Variants in C4A observed in about 807,000 individuals in gnomAD.
C4A encodes complement C4-A.
C4A carries 12 observed loss-of-function variants against 45.7 expected under a neutral mutation model. The observed-to-expected ratio is 0.26, with a 90% CI of 0.17 to 0.43. The LOEUF (loss-of-function observed/expected upper bound fraction) is 0.43, where lower values mean the gene tolerates loss of function less well. C4A is among the 20% of genes least tolerant of loss of function. The pLI, the probability that C4A is intolerant of heterozygous loss-of-function variation, is 1.00. For synonymous variants in C4A, 66 were observed against 230.7 expected (o/e 0.29, Z 6.47); for missense variants, 127 against 534.4 (o/e 0.24, Z 7.52).
rs376699069 is a variant in C4A, at chr6:31,996,464, G to A, written c.3540G>A (p.Gly1180=). ...TCTCAAAGGCAAACTCATTTTTGGG[G>A]GAGAAAGCAAGTGCTGGGCTCCTGG... The part of the protein sequence containing the change: ...ASISKANSFL[G]EKASAGLLGA... The change falls in exon 28 of 41, where the codon GGG becomes GGA. Residue 1180 remains glycine, a synonymous_variant. Transcript: ENST00000428956. The A allele has an allele frequency of 3.9e-4, 615 of 1,588,930 alleles. 81 individuals are homozygous for A. The highest frequency in any genetic ancestry group is 5.1e-4 in the Non-Finnish European group (594 of 1,158,558).
chr6:31,994,825 TC>T, intron 21 of C4A, 118 bp downstream of exon 21: 1 of 1,214,788 alleles, frequency 8.2e-7, no homozygotes, highest in Non-Finnish European at 1.2e-6. Context: ...CTTGGTCTGT[TC>T]CCATCTTCTA....
At position 31,996,863 on chromosome 6, in the gene C4A, G is replaced by A. The variant is rs1562712570; in HGVS notation, c.3711G>A (p.Gln1237=). The change falls in exon 29 of 41, where the codon CAG becomes CAA. Residue 1237 remains glutamine, a synonymous_variant. Coordinates refer to ENST00000428956, the MANE Select transcript of C4A (RefSeq NM_007293.3). ...ACTGGGGCTCAGTCACTGGTTCTCA[G>A]AGCAATGCCGTGTCGCCCACCCCGG... ...NLYWGSVTGS[Q]SNAVSPTPAP... is the part of the protein sequence containing the mutation. 3.9e-6 allele frequency: 4 copies of A among 1,032,480 alleles called. No individual in the cohort carries two copies. Among genetic ancestry groups the A allele is most frequent in the South Asian group, 1.5e-5 (1 of 67,650 alleles). The allele number at this position is 1,032,480 out of a possible 1,614,324, so 64.0% of individuals were successfully genotyped here.
Position 31,996,569 on chromosome 6 carries a change from C to A in C4A, c.3645C>A (p.Asn1215Lys). 1 of 1,588,902 alleles carries A rather than the reference C, an allele frequency of 6.3e-7. No homozygotes were observed. Among genetic ancestry groups the A allele is most frequent in the South Asian group, 1.1e-5 (1 of 90,900 alleles). ...APVDLLGVAH[N>K]NLMAMAQETG... Reference sequence around the variant, plus strand: ...TGGACCTGCTCGGTGTTGCCCACAACAACCTCATGGCAATGGCCCAGGAGA... The same window carrying A: ...TGGACCTGCTCGGTGTTGCCCACAAAAACCTCATGGCAATGGCCCAGGAGA... The change falls in exon 28 of 41, where the codon AAC (asparagine) becomes AAA (lysine). Residue 1215 changes from asparagine to lysine, a missense_variant. Transcript: ENST00000428956.
rs1348499408 is a variant in C4A, at chr6:31,996,272, T to G, written c.3453T>G (p.His1151Gln). ...LTAFVTIALH[H>Q]GLAVFQDEGA... ...CCTTTGTGACCATCGCCCTTCATCA[T>G]GGGCTGGCCGTCTTCCAGGATGAGG... The change falls in exon 27 of 41, where the codon CAT (histidine) becomes CAG (glutamine). Residue 1151 changes from histidine to glutamine, a missense_variant. Physicochemically the swap from His to Gln is conservative, Grantham distance 24. Transcript: ENST00000428956. 6.4e-7 allele frequency: 1 copy of G among 1,569,024 alleles called. No individual in the cohort carries two copies. The highest frequency in any genetic ancestry group is 1.7e-5 in the Admixed American group (1 of 59,292).
Position 31,997,151 on chromosome 6 carries a change from T to C in C4A, c.3917T>C (p.Val1306Ala). 1.0e-5 allele frequency: 6 copies of C among 599,554 alleles called. 1 individual carries two copies. Among genetic ancestry groups the C allele is most frequent in the Non-Finnish European group, 1.5e-5 (6 of 404,838 alleles). 37.1% of individuals were successfully genotyped at this position (599,554 alleles called of 1,614,324 possible). A position where few individuals can be genotyped will look rare whatever the true frequency, so the allele number is the denominator to read the frequency against. ...QGGFRSTQDT[V>A]IALDALSAYW... ...CTGGCTCAACCTCCCTAGGACACGGTGATTGCCCTGGATGCCCTGTCTGCC... is the reference window on the plus strand; with the variant it reads ...CTGGCTCAACCTCCCTAGGACACGGCGATTGCCCTGGATGCCCTGTCTGCC... Residue 1306 changes from valine to alanine, a missense_variant, in exon 30 of 41, where the codon GTG (valine) becomes GCG (alanine). Val to Ala is a moderately conservative substitution (Grantham distance 64). Transcript: ENST00000428956.
chr6:31,994,198 T>TCTC, intron 19 of C4A, 47 bp from the exon 20 acceptor site: 1 of 1,013,894 alleles, frequency 9.9e-7, no homozygotes, highest in Non-Finnish European at 1.4e-6. Context: ...GAAGCTTTGA[T>TCTC]GGCCCCTCTG....
chr6:31,996,679 G>T (rs1222601881), intron 28 of C4A, 79 bp downstream of exon 28: 1 of 1,570,652 alleles, frequency 6.4e-7, no homozygotes, highest in Non-Finnish European at 8.7e-7. Context: ...AGAGGGAGAG[G>T]CTGGATGAAG....
At chr6:31,995,564 AG>A (rs1339496670) in intron 24 of C4A, 25 bp downstream of exon 24, 1 of 726,386 alleles carries the variant, frequency 1.4e-6, no homozygotes, top group East Asian at 2.8e-5. Context: ...GGCAAGCAGG[AG>A]GGGGGCCAGG....
Position 31,996,057 on chromosome 6 carries a change from G to A in C4A, c.3333G>A (p.Gln1111=), listed in dbSNP as rs765190546. The change falls in exon 26 of 41, where the codon CAG becomes CAA. Residue 1111 remains glutamine, a synonymous_variant. Transcript: ENST00000428956. ...QETSNWLLSQ[Q]QADGSFQDPC... is the part of the protein sequence containing the mutation. ...CATCTAACTGGCTTCTGTCCCAGCAGCAGGCTGACGGCTCGTTCCAGGACC... is the reference window on the plus strand; with the variant it reads ...CATCTAACTGGCTTCTGTCCCAGCAACAGGCTGACGGCTCGTTCCAGGACC... 6.3e-6 allele frequency: 10 copies of A among 1,587,200 alleles called. No homozygotes were observed. The highest frequency in any genetic ancestry group is 4.0e-5 in the African/African-American group (3 of 74,110).
In C4A at chr6:31,996,492, G is replaced by T. The variant is rs772990017; in HGVS notation, c.3568G>T (p.Ala1190Ser). 5.7e-6 allele frequency: 9 copies of T among 1,588,650 alleles called. No homozygotes were observed. The African/African-American group carries it at 1.2e-4, about 22-fold the overall frequency. ...GAAAGCAAGTGCTGGGCTCCTGGGT[G>T]CCCACGCAGCTGCCATCACGGCCTA... ...GEKASAGLLG[A>S]HAAAITAYAL... The change falls in exon 28 of 41, where the codon GCC becomes TCC. Residue 1190 changes from alanine (A) to serine (S), a missense_variant. Physicochemically the swap from Ala to Ser is moderately conservative, Grantham distance 99. Transcript: ENST00000428956.
intron 28 of C4A, 36 bp downstream of exon 28, chr6:31,996,636 G>A (rs777723410): frequency 6.3e-7 from 1 of 1,587,984 alleles, no homozygotes; most frequent in Non-Finnish European, 8.6e-7. Flanking sequence ...TGAGCCTGAG[G>A]CCCAGGGGAC....
At chr6:31,996,132 G>T (rs1282368410) in intron 26 of C4A, 21 bp downstream of exon 26, 3 of 1,587,028 alleles carry the variant, frequency 1.9e-6, no homozygotes, top group Non-Finnish European at 2.6e-6. Flanking sequence ...GCTGGGGCTG[G>T]CCCGAGAAGC....
In C4A at chr6:31,996,042, G is replaced by A; in HGVS notation, c.3318G>A (p.Trp1106Ter). The A allele has an allele frequency of 6.3e-7, 1 of 1,586,734 alleles. No homozygotes were observed. Among genetic ancestry groups the A allele is most frequent in the South Asian group, 1.1e-5 (1 of 90,756 alleles). ...SPEKLQETSN[W>*]LLSQQQADGS... ...AGAAACTGCAGGAGACATCTAACTG[G>A]CTTCTGTCCCAGCAGCAGGCTGACG... The change falls in exon 26 of 41, where the codon TGG (tryptophan) becomes TGA (stop). Residue 1106 changes from tryptophan (W) to a stop codon, truncating the protein, a stop_gained. Coordinates refer to ENST00000428956, the MANE Select transcript of C4A (RefSeq NM_007293.3). LOFTEE classifies it high-confidence loss of function.
Position 31,996,503 on chromosome 6 carries a change from T to C in C4A, c.3579T>C (p.Ala1193=). 1 of 1,588,494 alleles carries C rather than the reference T, an allele frequency of 6.3e-7. No individual in the cohort carries two copies. Among genetic ancestry groups the C allele is most frequent in the Non-Finnish European group, 8.6e-7 (1 of 1,158,092 alleles). The change falls in exon 28 of 41, where the codon GCT becomes GCC. Residue 1193 remains alanine (A), a synonymous_variant. Transcript: ENST00000428956. ...ASAGLLGAHA[A]AITAYALTLT... is the part of the protein sequence containing the mutation. ...CTGGGCTCCTGGGTGCCCACGCAGC[T>C]GCCATCACGGCCTATGCCCTGACAC...
In C4A at chr6:31,996,081, C is replaced by A. The variant is rs1463027541; in HGVS notation, c.3357C>A (p.Asp1119Glu). ...SQQQADGSFQDPCPVLDRSMQ... is the reference protein window; with the variant it reads ...SQQQADGSFQEPCPVLDRSMQ... ...AGCAGGCTGACGGCTCGTTCCAGGA[C>A]CCCTGTCCAGTGTTAGACAGGAGCA... Residue 1119 changes from aspartate to glutamate, a missense_variant, in exon 26 of 41, where the codon GAC becomes GAA. Asp to Glu is a conservative substitution (Grantham distance 45). Coordinates refer to ENST00000428956, the MANE Select transcript of C4A (RefSeq NM_007293.3). 3 of 1,587,656 alleles carry A rather than the reference C, an allele frequency of 1.9e-6. No individual in the cohort carries two copies. Among genetic ancestry groups the A allele is most frequent in the Non-Finnish European group, 2.6e-6 (3 of 1,156,714 alleles).
At position 31,996,426 on chromosome 6, in the gene C4A, C is replaced by T. The variant is rs74906140; in HGVS notation, c.3505-3C>T. 11 of 1,588,226 alleles carry T rather than the reference C, an allele frequency of 6.9e-6. No individual in the cohort carries two copies. The highest frequency in any genetic ancestry group is 5.5e-5 in the South Asian group (5 of 90,956). ...CCAAGACCCTCCTCCCGTTTTCTTCCAGGAAGCCTCCATCTCAAAGGCAAA... is the reference window on the plus strand; with the variant it reads ...CCAAGACCCTCCTCCCGTTTTCTTCTAGGAAGCCTCCATCTCAAAGGCAAA... On this transcript the variant is annotated splice_polypyrimidine_tract_variant and splice_region_variant and intron_variant, in intron 27 of 40. Transcript: ENST00000428956.
rs776372955 is a variant in C4A, at chr6:31,996,555, G to A, written c.3631G>A (p.Gly1211Ser). The A allele has an allele frequency of 3.1e-6, 5 of 1,587,558 alleles. No homozygotes were observed. Among genetic ancestry groups the A allele is most frequent in the Middle Eastern group, 1.6e-4 (1 of 6,072 alleles). ...GACCAAGGCGCCTGTGGACCTGCTC[G>A]GTGTTGCCCACAACAACCTCATGGC... The part of the protein sequence containing the change: ...TLTKAPVDLL[G>S]VAHNNLMAMA... Residue 1211 changes from glycine (G) to serine (S), a missense_variant, in exon 28 of 41, where the codon GGT becomes AGT. By Grantham distance (56) the Gly-to-Ser change is moderately conservative. Coordinates refer to ENST00000428956, the MANE Select transcript of C4A (RefSeq NM_007293.3).
Position 31,996,512 on chromosome 6 carries a change from G to C in C4A, c.3588G>C (p.Thr1196=). The C allele has an allele frequency of 6.3e-7, 1 of 1,587,800 alleles. No homozygotes were observed. The highest frequency in any genetic ancestry group is 8.6e-7 in the Non-Finnish European group (1 of 1,157,532). The change falls in exon 28 of 41, where the codon ACG becomes ACC. Residue 1196 remains threonine (T), a synonymous_variant. Coordinates refer to ENST00000428956, the MANE Select transcript of C4A (RefSeq NM_007293.3). ...GLLGAHAAAI[T]AYALTLTKAP... is the part of the protein sequence containing the mutation. ...TGGGTGCCCACGCAGCTGCCATCAC[G>C]GCCTATGCCCTGACACTGACCAAGG...
In C4A at chr6:31,996,529, T is replaced by G. The variant is rs1208940535; in HGVS notation, c.3605T>G (p.Leu1202Arg). 1.9e-6 allele frequency: 3 copies of G among 1,586,608 alleles called. No individual in the cohort carries two copies. The highest frequency in any genetic ancestry group is 1.4e-5 in the African/African-American group (1 of 73,094). Residue 1202 changes from leucine (L) to arginine (R), a missense_variant, in exon 28 of 41, where the codon CTG (leucine) becomes CGG (arginine). By Grantham distance (102) the Leu-to-Arg change is moderately radical. Transcript: ENST00000428956. ...GCCATCACGGCCTATGCCCTGACAC[T>G]GACCAAGGCGCCTGTGGACCTGCTC... is the stretch of plus-strand genomic sequence containing the variant. The part of the protein sequence containing the change: ...AAAITAYALT[L>R]TKAPVDLLGV...
Sources: gnomAD v4.1 joint callset for allele counts on GRCh38, gnomAD v4.1.1 for gene constraint, MANE v1.5 for transcripts, NCBI Gene and HGNC (gene_info 2026-07-23, HGNC 2026-07-21) for gene names.